The following ALDH1A2 variants were observed in gnomAD, a reference collection of about 807,000 sequenced individuals.
ALDH1A2 encodes aldehyde dehydrogenase 1 family member A2.
A neutral mutation model predicts 60.3 loss-of-function variants in ALDH1A2; 27 were observed. The observed-to-expected ratio is 0.45, with a 90% CI of 0.33 to 0.62. The LOEUF is 0.62. ALDH1A2 is among the 20% of genes least tolerant of loss of function. The pLI is 0.02. For missense variants in ALDH1A2, 581 were observed against 643.8 expected (o/e 0.90, Z 1.06); for synonymous variants, 289 against 232.4 (o/e 1.24, Z -2.21).
rs145786242 is a variant in ALDH1A2 at position 57,956,147 on chromosome 15, T to C, written c.1485-878A>G. ...TTTTCTTTTTGCCTTCCACCAAACA[T>C]AGGGTATAGCCTACAACAGCAGGCA... is the stretch of plus-strand genomic sequence containing the variant. On this transcript the variant is annotated intron_variant, in intron 12 of 12. Coordinates refer to ENST00000249750, the MANE Select transcript of ALDH1A2 (RefSeq NM_003888.4). 2.8e-3 allele frequency among the ~76,000 whole-genome samples: 428 copies of C among 152,148 alleles called. 1 individual carries two copies. Among genetic ancestry groups the C allele is most frequent in the African/African-American group, 9.8e-3 (408 of 41,498 alleles).
chr15:57,972,239 C>T (rs1480672711), intron 7 of ALDH1A2, among the ~76,000 whole-genome samples: 9 of 152,174 alleles, frequency 5.9e-5, no homozygotes, highest in African/African-American at 2.2e-4. Flanking sequence ...AGAATGTGCA[C>T]ACCAAGCCTC....
chr15:57,958,209 C>G (rs966767513), intron 12 of ALDH1A2, among the ~76,000 whole-genome samples: 1 of 150,424 alleles, frequency 6.6e-6, no homozygotes, highest in Admixed American at 6.6e-5. Context: ...TGCGTGTACA[C>G]GCACGCACAC....
intron 7 of ALDH1A2, among the ~76,000 whole-genome samples, chr15:57,975,170 C>T (rs755208320): frequency 2.6e-5 from 4 of 152,172 alleles, no homozygotes; most frequent in Admixed American, 6.5e-5. Context: ...TCCTGCCCTA[C>T]CACACAATCC....
intron 7 of ALDH1A2, among the ~76,000 whole-genome samples, chr15:57,982,903 G>A (rs1894563681): frequency 6.6e-6 from 1 of 152,134 alleles, no homozygotes; most frequent in South Asian, 2.1e-4. Flanking sequence ...CATGTTCAGT[G>A]TTGGCTCACC....
intron 12 of ALDH1A2, among the ~76,000 whole-genome samples, chr15:57,959,296 G>T (rs1021285647): frequency 6.6e-6 from 1 of 152,078 alleles, no homozygotes. Flanking sequence ...AATAAGAAGC[G>T]GAATGCATCT....
At chr15:58,029,369 A>G (rs1425542797) in intron 1 of ALDH1A2, among the ~76,000 whole-genome samples, 1 of 152,220 alleles carries the variant, frequency 6.6e-6, no homozygotes, top group African/African-American at 2.4e-5. Flanking sequence ...ACAACGTACC[A>G]GAATCTCTGG....
chr15:57,995,146 G>C lies in ALDH1A2; in HGVS notation c.494-7C>G, dbSNP rs773638758. ...AAGGTAAAATAGTCTCCATCTGAAA[G>C]AAAAAAGCATGGTCACTCCCAGAAA... On this transcript the variant is annotated splice_polypyrimidine_tract_variant and splice_region_variant and intron_variant, in intron 4 of 12. Coordinates refer to ENST00000249750, the MANE Select transcript of ALDH1A2 (RefSeq NM_003888.4). 1.5e-6 allele frequency: 2 copies of C among 1,318,356 alleles called. No homozygotes were observed. Among genetic ancestry groups the C allele is most frequent in the Non-Finnish European group, 2.0e-6 (2 of 1,018,360 alleles). The allele number at this position is 1,318,356 out of a possible 1,614,324, so 81.7% of individuals were successfully genotyped here. A position where few individuals can be genotyped will look rare whatever the true frequency, so the allele number is the denominator to read the frequency against.
intron 7 of ALDH1A2, among the ~76,000 whole-genome samples, chr15:57,985,001 A>G (rs185269469): frequency 1.8e-4 from 28 of 152,192 alleles, no homozygotes; most frequent in Admixed American, 6.5e-4. Flanking sequence ...TCATTTTTAT[A>G]TATTTCTGGA....
chr15:58,045,457 C>A (rs1377752956), intron 1 of ALDH1A2, among the ~76,000 whole-genome samples: 1 of 152,064 alleles, frequency 6.6e-6, no homozygotes. Context: ...ATGTTTATTG[C>A]GGCACTATTC....
chr15:58,005,011 T>C (rs970582674), intron 4 of ALDH1A2, among the ~76,000 whole-genome samples: 1 of 151,798 alleles, frequency 6.6e-6, no homozygotes, highest in East Asian at 1.9e-4. Context: ...ATCAAGGCAC[T>C]CACCTATTTA....
chr15:58,003,532 C>A (rs1220809443), intron 4 of ALDH1A2, among the ~76,000 whole-genome samples: 2 of 151,818 alleles, frequency 1.3e-5, no homozygotes, highest in Non-Finnish European at 2.9e-5. Context: ...TATCGTAAGT[C>A]CATTTTAATA....
At chr15:58,026,389 A>G (rs1173745156) in intron 1 of ALDH1A2, among the ~76,000 whole-genome samples, 1 of 152,150 alleles carries the variant, frequency 6.6e-6, no homozygotes. Context: ...TCCCACTCCT[A>G]TCGGTATGCT....
chr15:57,985,915 A>T (rs1894685876), intron 7 of ALDH1A2, among the ~76,000 whole-genome samples: 1 of 152,242 alleles, frequency 6.6e-6, no homozygotes, highest in African/African-American at 2.4e-5. Flanking sequence ...TTCAATATTA[A>T]TTAATTAAAT....
At chr15:58,026,708 C>T (rs751351566) in intron 1 of ALDH1A2, among the ~76,000 whole-genome samples, 7 of 152,198 alleles carry the variant, frequency 4.6e-5, no homozygotes, top group Admixed American at 1.3e-4. Flanking sequence ...AGCAGACCAA[C>T]GTATTCCCTC....
At chr15:58,014,931 G>A (rs146327521) in intron 1 of ALDH1A2, among the ~76,000 whole-genome samples, 5 of 152,256 alleles carry the variant, frequency 3.3e-5, no homozygotes, top group East Asian at 3.9e-4. Context: ...TTTCTTAAAA[G>A]GCTTGGTCTC....
At chr15:58,019,009 T>A (rs116550839) in intron 1 of ALDH1A2, among the ~76,000 whole-genome samples, 2,114 of 152,278 alleles carry the variant, frequency 0.014, 58 homozygotes, top group African/African-American at 0.047. Context: ...TAGATGATAA[T>A]ATTTTGTCAA....
At chr15:57,956,008 G>A (rs1050184048) in intron 12 of ALDH1A2, among the ~76,000 whole-genome samples, 36 of 152,112 alleles carry the variant, frequency 2.4e-4, no homozygotes, top group African/African-American at 7.7e-4. Context: ...CTCCTCTTTC[G>A]TCCTCTCTGT....
chr15:58,010,498 T>C, intron 4 of ALDH1A2, 151 bp downstream of exon 4: 5 of 865,554 alleles, frequency 5.8e-6, no homozygotes, highest in Non-Finnish European at 8.9e-6. Context: ...TCAGAGTCAG[T>C]GACATAATTT....
intron 1 of ALDH1A2, among the ~76,000 whole-genome samples, chr15:58,026,130 A>G (rs1896074180): frequency 6.6e-6 from 1 of 152,222 alleles, no homozygotes; most frequent in East Asian, 1.9e-4. Context: ...CAACAAAATA[A>G]GAAAACTACA....
Sources: allele counts gnomAD v4.1 joint callset (sites outside exome capture counted in the v4.1 genomes callset), GRCh38; gene constraint gnomAD v4.1.1; transcripts MANE v1.5; gene names NCBI Gene and HGNC (gene_info 2026-07-23, HGNC 2026-07-21).